Variants in EFHC1 observed in about 807,000 individuals in gnomAD.
The protein encoded by EFHC1 is EF-hand domain-containing protein 1.
A neutral mutation model predicts 69.9 loss-of-function variants in EFHC1; 53 were observed. That is an observed-to-expected ratio of 0.76 (90% CI 0.61 to 0.95). The LOEUF is 0.95. Ranked by LOEUF, EFHC1 falls within the 40% of genes least tolerant of loss-of-function variation. The pLI is 0.00. For synonymous variants in EFHC1, 256 were observed against 278.4 expected (o/e 0.92, Z 0.80); for missense variants, 739 against 798.7 (o/e 0.93, Z 0.90).
intron 7 of EFHC1, among the ~76,000 whole-genome samples, chr6:52,475,056 A>G (rs375275047): frequency 6.6e-6 from 1 of 151,920 alleles, no homozygotes; most frequent in East Asian, 1.9e-4. Flanking sequence ...CACAGTAAAA[A>G]AAATTAAAAG....
chr6:52,454,520 G>A (rs553242773), intron 5 of EFHC1, among the ~76,000 whole-genome samples: 2 of 152,220 alleles, frequency 1.3e-5, no homozygotes, highest in South Asian at 2.1e-4. Flanking sequence ...ACAACAGTGG[G>A]AGATTTATTT....
chr6:52,472,671 GAGATATGTAATA>G (rs1562459903), intron 7 of EFHC1, among the ~76,000 whole-genome samples: 1 of 138,476 alleles, frequency 7.2e-6, no homozygotes, highest in Non-Finnish European at 1.5e-5. Flanking sequence ...TTACATACAA[GAGATATGTAATA>G]TCTTTTACAT....
chr6:52,429,439 T>G (rs927465500), intron 2 of EFHC1, among the ~76,000 whole-genome samples: 2 of 152,216 alleles, frequency 1.3e-5, no homozygotes, highest in Non-Finnish European at 2.9e-5. Context: ...GCACAATTTG[T>G]TGAATAGGGT....
intron 3 of EFHC1, 55 bp from the exon 4 acceptor site, chr6:52,452,633 A>G: frequency 1.9e-6 from 3 of 1,594,420 alleles, no homozygotes; most frequent in Non-Finnish European, 2.6e-6. Context: ...TCAGTTTATA[A>G]CTTACTCTGA....
intron 3 of EFHC1, among the ~76,000 whole-genome samples, chr6:52,446,218 G>T (rs879221043): frequency 6.6e-6 from 1 of 152,120 alleles, no homozygotes; most frequent in Non-Finnish European, 1.5e-5. Flanking sequence ...TGTCACTAAG[G>T]ACTTGCTTTA....
chr6:52,474,688 A>G (rs1426641701), intron 7 of EFHC1, among the ~76,000 whole-genome samples: 6 of 152,272 alleles, frequency 3.9e-5, no homozygotes, highest in Non-Finnish European at 8.8e-5. Flanking sequence ...ACAGCTACTA[A>G]TAACAACATG....
At chr6:52,433,011 A>G (rs1227152622) in intron 2 of EFHC1, among the ~76,000 whole-genome samples, 2 of 151,968 alleles carry the variant, frequency 1.3e-5, no homozygotes, top group Admixed American at 1.3e-4. Flanking sequence ...CATTTCTATA[A>G]GCACATCCAT....
chr6:52,470,460 A>G (rs1332361019), intron 7 of EFHC1, among the ~76,000 whole-genome samples: 1 of 152,212 alleles, frequency 6.6e-6, no homozygotes, highest in Non-Finnish European at 1.5e-5. Flanking sequence ...GTCCTTCTAG[A>G]CTTTGTAGGT....
chr6:52,475,590 G>A (rs1363062278), intron 7 of EFHC1, among the ~76,000 whole-genome samples: 1 of 150,772 alleles, frequency 6.6e-6, no homozygotes, highest in African/African-American at 2.4e-5. Context: ...CATGTGTGGT[G>A]TTTGTTAAGA....
Position 52,495,911 on chromosome 6 carries a change from T to C in EFHC1, c.*3570T>C. 1 of 293,274 alleles carries C rather than the reference T, an allele frequency of 3.4e-6. No homozygotes were observed. The highest frequency in any genetic ancestry group is 3.6e-5 in the South Asian group (1 of 28,154). The allele number at this position is 293,274 out of a possible 1,614,324, so 18.2% of individuals were successfully genotyped here. A position where few individuals can be genotyped will look rare whatever the true frequency, so the allele number is the denominator to read the frequency against. ...TGAAAGACCAAAGCCAGCAGGCCAT[T>C]TCTGTGGTGTCCAAACACTCGCTGC... On this transcript the variant is annotated 3_prime_UTR_variant, in exon 11 of 11. Coordinates refer to ENST00000371068, the MANE Select transcript of EFHC1 (RefSeq NM_018100.4).
chr6:52,469,466 C>A lies in EFHC1; in HGVS notation c.1271C>A (p.Ala424Asp). ...GATAACAAGGTGCTTCGTTATTTGG[C>A]TGTACTGGTGAGGCTAATTTTTATA... ...VNDNKVLRYL[A>D]VLESPIPEDK... The change falls in exon 7 of 11, where the codon GCT (alanine) becomes GAT (aspartate). Residue 424 changes from alanine (A) to aspartate (D), a missense_variant. Ala to Asp is a moderately radical substitution (Grantham distance 126). Transcript: ENST00000371068. 6.2e-7 allele frequency: 1 copy of A among 1,613,818 alleles called. No individual in the cohort carries two copies. The highest frequency in any genetic ancestry group is 8.5e-7 in the Non-Finnish European group (1 of 1,179,886).
intron 2 of EFHC1, 76 bp from the exon 3 acceptor site, chr6:52,438,228 G>A (rs1196418253): frequency 2.8e-6 from 4 of 1,416,898 alleles, no homozygotes; most frequent in Non-Finnish European, 2.9e-6. Flanking sequence ...TCTGTTTTCA[G>A]GAAGGTACTT....
chr6:52,438,708 A>T (rs1764592809), intron 3 of EFHC1, 117 bp downstream of exon 3: 1 of 1,102,776 alleles, frequency 9.1e-7, no homozygotes. Flanking sequence ...TGCATGAATT[A>T]TTATGAATGG....
intron 8 of EFHC1, 93 bp from the exon 9 acceptor site, chr6:52,479,547 C>A: frequency 1.3e-6 from 2 of 1,548,474 alleles, no homozygotes. Flanking sequence ...AAATGCATAC[C>A]TGTGAATTTA....
intron 3 of EFHC1, among the ~76,000 whole-genome samples, chr6:52,446,159 G>T (rs184439514): frequency 0.013 from 1,946 of 152,206 alleles, 33 homozygotes; most frequent in African/African-American, 0.042. Context: ...TGACAGTGGG[G>T]TGTTAAAGTC....
At chr6:52,475,637 G>T (rs1162096287) in intron 7 of EFHC1, among the ~76,000 whole-genome samples, 3 of 152,176 alleles carry the variant, frequency 2.0e-5, no homozygotes, top group Non-Finnish European at 4.4e-5. Context: ...TTTACTATGA[G>T]TGCATTTATT....
chr6:52,471,908 A>T (rs1052240518), intron 7 of EFHC1, among the ~76,000 whole-genome samples: 28 of 149,306 alleles, frequency 1.9e-4, no homozygotes, highest in African/African-American at 3.0e-4. Flanking sequence ...TAATAAAATT[A>T]AAAAAAAAAT....
chr6:52,422,992 C>T (rs923553338), intron 1 of EFHC1, among the ~76,000 whole-genome samples: 1 of 152,184 alleles, frequency 6.6e-6, no homozygotes, highest in Admixed American at 6.5e-5. Flanking sequence ...CGATCATTTA[C>T]TCATGTCTTC....
chr6:52,434,274 T>G (rs554535594), intron 2 of EFHC1, among the ~76,000 whole-genome samples: 1 of 152,300 alleles, frequency 6.6e-6, no homozygotes, highest in East Asian at 1.9e-4. Context: ...TCCCAGTGCC[T>G]CTGGCTGCCC....
Sources: gnomAD v4.1 joint callset for allele counts (sites outside exome capture counted in the v4.1 genomes callset) on GRCh38, gnomAD v4.1.1 for gene constraint, MANE v1.5 for transcripts, NCBI Gene and HGNC (gene_info 2026-07-23, HGNC 2026-07-21) for gene names.